The following GRIN2A variants were observed in gnomAD, a reference collection of about 807,000 sequenced individuals.
GRIN2A encodes the protein glutamate ionotropic receptor NMDA type subunit 2A.
A neutral mutation model predicts 113.4 loss-of-function variants in GRIN2A; 22 were observed. The observed-to-expected ratio is 0.19, with a 90% confidence interval of 0.14 to 0.28. The LOEUF (loss-of-function observed/expected upper bound fraction) is 0.28. Among genes scored for constraint, GRIN2A ranks in the 10% least tolerant of loss-of-function variants. The pLI, the probability that GRIN2A is intolerant of heterozygous loss-of-function variation, is 1.00. For synonymous variants in GRIN2A, 827 were observed against 738.4 expected, an observed-to-expected ratio of 1.12 and a Z score of -1.94; for missense variants, 1,502 against 1,887.0, an observed-to-expected ratio of 0.80 and a Z score of 3.78.
intron 3 of GRIN2A, among the ~76,000 whole-genome samples, chr16:9,894,434 C>T (rs995880279): frequency 1.3e-5 from 2 of 152,190 alleles, no homozygotes; most frequent in African/African-American, 4.8e-5. Flanking sequence ...AAAAACCATT[C>T]ATTATCTAGA....
In GRIN2A at chr16:10,180,442, G is replaced by A. The variant is rs1272802155; in HGVS notation, c.-18-13C>T. 1 of 1,597,392 alleles carries A rather than the reference G, an allele frequency of 6.3e-7. No individual in the cohort carries two copies. Among genetic ancestry groups the A allele is most frequent in the Non-Finnish European group, 8.5e-7 (1 of 1,177,262 alleles). On this transcript the variant is annotated splice_polypyrimidine_tract_variant and intron_variant, in intron 1 of 12. Coordinates refer to ENST00000330684, the MANE Select transcript of GRIN2A (RefSeq NM_001134407.3). This position sits in a 1 kb window ranked among gnomAD's most constrained non-coding sequence, Gnocchi z 7.0. ...CCACTGACGGTCCCTGCAAGGTGAAGAGTGAGAGGCAGGGCCGCGGTGAGC... is the reference window on the plus strand; with the variant it reads ...CCACTGACGGTCCCTGCAAGGTGAAAAGTGAGAGGCAGGGCCGCGGTGAGC...
intron 2 of GRIN2A, among the ~76,000 whole-genome samples, chr16:10,070,924 C>T (rs567178599): frequency 4.5e-4 from 68 of 152,304 alleles, no homozygotes; most frequent in African/African-American, 1.5e-3. Context: ...CCTCCTCTCC[C>T]TATTTCTCTT....
chr16:9,934,678 T>TTAAAAA lies in GRIN2A; in HGVS notation c.1007+3280_1007+3281insTTTTTA, dbSNP rs1555455124. Among the ~76,000 whole-genome samples the TTAAAAA allele has an allele frequency of 5.2e-3, 266 of 50,932 alleles. 17 individuals carry two copies. The highest frequency in any genetic ancestry group is 8.2e-3 in the Admixed American group (28 of 3,412). The allele number at this position is 50,932 out of a possible 152,430, so 33.4% of individuals were successfully genotyped here. A position where few individuals can be genotyped will look rare whatever the true frequency, so the allele number is the denominator to read the frequency against. Reference sequence around the variant, plus strand: ...CTGGGAGACAGAGCGAGACTCTGTCTAAAAAAAAAAAAAAAAAAAAAAAAA... The same window carrying TTAAAAA: ...CTGGGAGACAGAGCGAGACTCTGTCTTAAAAAAAAAAAAAAAAAAAAAAAAAAAAAA... On this transcript the variant is annotated intron_variant, in intron 3 of 12. Transcript: ENST00000330684.
At chr16:9,981,922 G>A (rs1461010349) in intron 2 of GRIN2A, among the ~76,000 whole-genome samples, 1 of 152,112 alleles carries the variant, frequency 6.6e-6, no homozygotes, top group Non-Finnish European at 1.5e-5. Flanking sequence ...CAGTAGCTGG[G>A]ATTACAGACA....
At chr16:10,061,515 C>T (rs899945949) in intron 2 of GRIN2A, among the ~76,000 whole-genome samples, 1 of 152,188 alleles carries the variant, frequency 6.6e-6, no homozygotes, top group East Asian at 1.9e-4. Context: ...ATACAGTCAA[C>T]TGTGTGTCTC....
chr16:9,922,295 C>A (rs758600105), intron 3 of GRIN2A, among the ~76,000 whole-genome samples: 1 of 151,622 alleles, frequency 6.6e-6, no homozygotes, highest in African/African-American at 2.4e-5. Context: ...GTAACCAACA[C>A]CATCAATCTG....
intron 2 of GRIN2A, among the ~76,000 whole-genome samples, chr16:10,173,792 T>C (rs913113256): frequency 2.0e-5 from 3 of 152,122 alleles, no homozygotes; most frequent in Non-Finnish European, 4.4e-5. Flanking sequence ...AAGAAGTCTA[T>C]GTAGTGATAA....
At chr16:9,892,097 G>A (rs1233253952) in intron 3 of GRIN2A, among the ~76,000 whole-genome samples, 1 of 152,044 alleles carries the variant, frequency 6.6e-6, no homozygotes, top group Non-Finnish European at 1.5e-5. Flanking sequence ...TGGGCATGGT[G>A]GTGCAAACCT....
chr16:9,954,408 G>A (rs1026832504), intron 2 of GRIN2A, among the ~76,000 whole-genome samples: 1 of 152,138 alleles, frequency 6.6e-6, no homozygotes, highest in Non-Finnish European at 1.5e-5. Flanking sequence ...GCTCTTTCCA[G>A]CTCACACACA....
rs558161525 is a variant in GRIN2A, at chr16:9,800,471, A to C, written c.2169-2007T>G. On this transcript the variant is annotated intron_variant, in intron 10 of 12. Transcript: ENST00000330684. ...GAAAACATAAAACAGTGAAGCAAAA[A>C]AATAAAAATAAAAATGGCAAAGAGA... 3.3e-5 allele frequency among the ~76,000 whole-genome samples: 5 copies of C among 152,250 alleles called. No individual in the cohort carries two copies. The South Asian group carries it at 1.0e-3, about 32-fold the overall frequency.
intron 4 of GRIN2A, among the ~76,000 whole-genome samples, chr16:9,854,208 C>A (rs1244660776): frequency 6.6e-6 from 1 of 152,040 alleles, no homozygotes; most frequent in East Asian, 1.9e-4. Flanking sequence ...TGTGCCTCAG[C>A]TTTGGAATCT....
intron 2 of GRIN2A, among the ~76,000 whole-genome samples, chr16:9,974,185 T>G (rs539689560): frequency 5.9e-5 from 9 of 152,232 alleles, no homozygotes; most frequent in Admixed American, 1.3e-4. Flanking sequence ...CTCACATTGT[T>G]TTATACGGTT....
intron 4 of GRIN2A, among the ~76,000 whole-genome samples, chr16:9,890,345 A>G (rs1567375579): frequency 6.6e-6 from 1 of 152,244 alleles, no homozygotes; most frequent in Non-Finnish European, 1.5e-5. Flanking sequence ...TATGTATGAG[A>G]TCATCTGTAA....
chr16:9,860,015 T>C (rs1408350756), intron 4 of GRIN2A, among the ~76,000 whole-genome samples: 1 of 151,802 alleles, frequency 6.6e-6, no homozygotes, highest in Admixed American at 6.6e-5. Context: ...GAGTTTCCAG[T>C]CTCGGTGGAG....
At position 9,891,701 on chromosome 16, in the gene GRIN2A, G is replaced by A. The variant is rs573061362; in HGVS notation, c.1008-601C>T. On this transcript the variant is annotated intron_variant, in intron 3 of 12. Transcript: ENST00000330684. ...GAAATAGGGGTGAGGCAAGGCTGAG[G>A]AAGTGCAGCTTGACCTGAAGGCTCA... Among the ~76,000 whole-genome samples the A allele has an allele frequency of 2.6e-5, 4 of 152,292 alleles. No homozygotes were observed. The East Asian group carries it at 7.7e-4, about 29-fold the overall frequency.
chr16:10,128,511 G>C (rs1207334390), intron 2 of GRIN2A, among the ~76,000 whole-genome samples: 1 of 152,184 alleles, frequency 6.6e-6, no homozygotes, highest in Non-Finnish European at 1.5e-5. Flanking sequence ...CACCACTGTA[G>C]ATGCTCCATT....
chr16:10,127,227 G>T (rs2048958214), intron 2 of GRIN2A, among the ~76,000 whole-genome samples: 2 of 145,928 alleles, frequency 1.4e-5, no homozygotes, highest in African/African-American at 5.1e-5. Flanking sequence ...ATTCAGTCTT[G>T]AAAAAAAAAA....
intron 2 of GRIN2A, among the ~76,000 whole-genome samples, chr16:10,122,767 G>C (rs535819610): frequency 6.6e-6 from 1 of 152,078 alleles, no homozygotes; most frequent in South Asian, 2.1e-4. Context: ...ATTGACGCAC[G>C]ATCAGCATAT....
chr16:10,179,139 C>T (rs2050208731), intron 2 of GRIN2A, among the ~76,000 whole-genome samples: 1 of 152,188 alleles, frequency 6.6e-6, no homozygotes, highest in Non-Finnish European at 1.5e-5. Flanking sequence ...CCAAAGCTCC[C>T]AGGCTGTCCA....
Sources: allele counts gnomAD v4.1 joint callset (sites outside exome capture counted in the v4.1 genomes callset), GRCh38; gene constraint gnomAD v4.1.1; non-coding constraint Gnocchi (gnomAD v3.1); transcripts MANE v1.5; gene names NCBI Gene and HGNC (gene_info 2026-07-23, HGNC 2026-07-21).